DOCK1: variants seen among roughly 807,000 people sequenced by gnomAD.
The protein encoded by DOCK1 is dedicator of cytokinesis protein 1.
A neutral mutation model predicts 262.7 loss-of-function variants in DOCK1; 138 were observed. The ratio of observed to expected loss-of-function variants is 0.53; its 90% CI spans 0.46 to 0.61. The LOEUF (loss-of-function observed/expected upper bound fraction) is 0.61, where lower values mean the gene tolerates loss of function less well. Ranked by LOEUF, DOCK1 falls within the 20% of genes least tolerant of loss-of-function variation. The pLI is 0.00. For synonymous variants in DOCK1, 866 were observed against 867.4 expected, an observed-to-expected ratio of 1.00 and a Z score of 0.03; for missense variants, 1,908 against 2,370.7, an observed-to-expected ratio of 0.80 and a Z score of 4.05.
At chr10:126,977,882 T>C in intron 2 of DOCK1, 66 bp from the exon 3 acceptor site, 3 of 1,494,178 alleles carry the variant, frequency 2.0e-6, no homozygotes, top group South Asian at 2.3e-5. Flanking sequence ...CTACACATCA[T>C]GAATGTATTG....
chr10:127,033,528 A>G (rs1409961346), intron 18 of DOCK1, among the ~76,000 whole-genome samples: 1 of 152,144 alleles, frequency 6.6e-6, no homozygotes, highest in Non-Finnish European at 1.5e-5. Context: ...GTGCAGAGTG[A>G]CTTTATGCTC....
At chr10:127,439,459 G>C (rs1453955863) in intron 49 of DOCK1, among the ~76,000 whole-genome samples, 1 of 152,200 alleles carries the variant, frequency 6.6e-6, no homozygotes, top group Non-Finnish European at 1.5e-5. Context: ...CTTCCGCAGG[G>C]CCTGGGGCGA....
Position 127,248,014 on chromosome 10 carries a change from T to C in DOCK1, c.2854T>C (p.Phe952Leu), listed in dbSNP as rs772236426. The C allele has an allele frequency of 1.9e-6, 3 of 1,613,916 alleles. No individual in the cohort carries two copies. Among genetic ancestry groups the C allele is most frequent in the Non-Finnish European group, 2.5e-6 (3 of 1,179,860 alleles). Residue 952 changes from phenylalanine (F) to leucine (L), a missense_variant, in exon 28 of 52, where the codon TTC becomes CTC. Around this residue, in one of 9 missense-constraint regions of DOCK1, gnomAD observed 518 missense variants for 575.1 expected, o/e 0.90. Transcript: ENST00000623213. Reference sequence around the variant, plus strand: ...TCTTTTGATTCATTTACAGGGAAACTTCGTGGCTTGCATGACAGCTATTTT... The same window carrying C: ...TCTTTTGATTCATTTACAGGGAAACCTCGTGGCTTGCATGACAGCTATTTT... Reference protein sequence around the residue: ...MGRDSELIGNFVACMTAILRQ... With the variant: ...MGRDSELIGNLVACMTAILRQ...
At chr10:126,943,425 G>A (rs1591385535) in intron 1 of DOCK1, among the ~76,000 whole-genome samples, 1 of 152,188 alleles carries the variant, frequency 6.6e-6, no homozygotes, top group Non-Finnish European at 1.5e-5. Flanking sequence ...TAATCTCTGT[G>A]TGCAGCCTTT....
chr10:126,949,164 C>T (rs1223586952), intron 1 of DOCK1, among the ~76,000 whole-genome samples: 2 of 152,068 alleles, frequency 1.3e-5, no homozygotes, highest in East Asian at 1.9e-4. Context: ...TTTGCTGATC[C>T]ATCTCCATTG....
chr10:126,941,593 A>G (rs1420991239), intron 1 of DOCK1, among the ~76,000 whole-genome samples: 1 of 152,092 alleles, frequency 6.6e-6, no homozygotes, highest in Non-Finnish European at 1.5e-5. Context: ...TGTCTCTACT[A>G]AAAGTACAAA....
intron 1 of DOCK1, among the ~76,000 whole-genome samples, chr10:126,949,202 C>T (rs1200267642): frequency 1.3e-5 from 2 of 152,086 alleles, no homozygotes; most frequent in Non-Finnish European, 2.9e-5. Flanking sequence ...TTGAAGGTGA[C>T]CTGGGTTGGG....
At chr10:126,989,675 A>G (rs2039659784) in intron 5 of DOCK1, among the ~76,000 whole-genome samples, 1 of 152,160 alleles carries the variant, frequency 6.6e-6, no homozygotes, top group Admixed American at 6.5e-5. Flanking sequence ...CTTTTCATGG[A>G]AAGAACCACT....
chr10:127,316,205 C>G (rs554095325), intron 29 of DOCK1, among the ~76,000 whole-genome samples: 1 of 152,282 alleles, frequency 6.6e-6, no homozygotes, highest in African/African-American at 2.4e-5. Flanking sequence ...AAATTTCCAG[C>G]ATATGATACA....
intron 4 of DOCK1, among the ~76,000 whole-genome samples, chr10:126,984,770 CTA>C (rs768159881): frequency 5.3e-4 from 81 of 152,240 alleles, no homozygotes; most frequent in Non-Finnish European, 9.6e-4. Context: ...CTAAATCAAA[CTA>C]TGTGTGCATT....
intron 29 of DOCK1, among the ~76,000 whole-genome samples, chr10:127,259,925 C>T (rs902820958): frequency 1.2e-4 from 19 of 152,196 alleles, no homozygotes; most frequent in Admixed American, 7.8e-4. Flanking sequence ...CAGCACTGGC[C>T]GTGATGCAAA....
chr10:127,444,389 G>A, intron 50 of DOCK1, 110 bp downstream of exon 50: 2 of 1,341,200 alleles, frequency 1.5e-6, no homozygotes, highest in African/African-American at 1.5e-5. Flanking sequence ...GCAGAGGGTG[G>A]GAGTTTAGAT....
rs372345493 is a variant in DOCK1, at chr10:127,176,297, G to A, written c.2847+48533G>A. 1.9e-5 allele frequency: 30 copies of A among 1,613,920 alleles called. No individual in the cohort carries two copies. The highest frequency in any genetic ancestry group is 2.5e-5 in the Non-Finnish European group (29 of 1,180,038). On this transcript the variant is annotated intron_variant, in intron 27 of 51. Transcript: ENST00000623213. This position sits in a 1 kb window ranked among gnomAD's most constrained non-coding sequence, Gnocchi z 4.4. The stretch of plus-strand genomic sequence containing the variant: ...TCCGTTTTTTAATCTGCCGGTTGGG[G>A]TCCAGGGCGTATTTCATCTCCAGGG...
intron 29 of DOCK1, among the ~76,000 whole-genome samples, chr10:127,309,383 T>C (rs1312908514): frequency 6.6e-6 from 1 of 152,214 alleles, no homozygotes; most frequent in African/African-American, 2.4e-5. Context: ...TCCCATTCTG[T>C]AGGTTGCCTG....
chr10:127,255,434 G>A (rs1414617663), intron 28 of DOCK1, among the ~76,000 whole-genome samples: 1 of 152,076 alleles, frequency 6.6e-6, no homozygotes, highest in Non-Finnish European at 1.5e-5. Flanking sequence ...AAATGCAACA[G>A]GAATAAATCC....
chr10:127,232,884 T>C (rs1469818996), intron 27 of DOCK1, among the ~76,000 whole-genome samples: 2 of 152,182 alleles, frequency 1.3e-5, no homozygotes, highest in African/African-American at 4.8e-5. Context: ...ACTTTGCGGA[T>C]TTACCTCCCA....
intron 23 of DOCK1, among the ~76,000 whole-genome samples, chr10:127,086,031 A>T (rs188102850): frequency 1.3e-5 from 2 of 152,128 alleles, no homozygotes. Flanking sequence ...TCCAGCACCA[A>T]CTGAAGGCCA....
chr10:126,928,404 C>T (rs1328840098), intron 1 of DOCK1, among the ~76,000 whole-genome samples: 1 of 152,190 alleles, frequency 6.6e-6, no homozygotes, highest in African/African-American at 2.4e-5. Context: ...TCTTAAGCCT[C>T]CAGCTTAAGA....
intron 49 of DOCK1, among the ~76,000 whole-genome samples, chr10:127,441,862 C>A (rs11018088): frequency 6.6e-6 from 1 of 151,928 alleles, no homozygotes; most frequent in Non-Finnish European, 1.5e-5. Context: ...CCTCTCCAGC[C>A]AGAGCCTCCA....
Sources: allele counts gnomAD v4.1 joint callset (sites outside exome capture counted in the v4.1 genomes callset), GRCh38; gene constraint gnomAD v4.1.1; regional missense constraint gnomAD v4.1.1; non-coding constraint Gnocchi (gnomAD v3.1); transcripts MANE v1.5; gene names NCBI Gene and HGNC (gene_info 2026-07-23, HGNC 2026-07-21).